The following PGM2 variants were observed in gnomAD, a reference collection of about 807,000 sequenced individuals.
PGM2 encodes phosphopentomutase.
PGM2 carries 57 observed loss-of-function variants against 74.6 expected under a neutral mutation model. That is an observed-to-expected ratio of 0.76 (90% CI 0.62 to 0.95). The LOEUF (loss-of-function observed/expected upper bound fraction) is 0.95. Ranked by LOEUF, PGM2 falls within the 40% of genes least tolerant of loss-of-function variation. The pLI is 0.00. For missense variants in PGM2, 706 were observed against 741.9 expected, an observed-to-expected ratio of 0.95 and a Z score of 0.56; for synonymous variants, 273 against 260.7, an observed-to-expected ratio of 1.05 and a Z score of -0.46.
chr4:37,858,569 C>T (rs998920760), intron 13 of PGM2, among the ~76,000 whole-genome samples: 2 of 150,008 alleles, frequency 1.3e-5, no homozygotes, highest in African/African-American at 2.5e-5. Flanking sequence ...AGGCTGGGCT[C>T]GAACTCCTGG....
At chr4:37,848,466 C>T (rs1463087538) in intron 10 of PGM2, 56 bp from the exon 11 acceptor site, 3 of 1,476,622 alleles carry the variant, frequency 2.0e-6, no homozygotes, top group South Asian at 1.2e-5. Context: ...GATTCATACT[C>T]ATATGTGGTT....
intron 10 of PGM2, among the ~76,000 whole-genome samples, chr4:37,848,161 A>G (rs1477466147): frequency 1.3e-5 from 2 of 152,250 alleles, no homozygotes; most frequent in Non-Finnish European, 2.9e-5. Context: ...ACACAAGAGT[A>G]GAGGCCAGAT....
At chr4:37,841,077 T>A (rs1418503295) in intron 6 of PGM2, among the ~76,000 whole-genome samples, 1 of 29,498 alleles carries the variant, frequency 3.4e-5, no homozygotes, top group Non-Finnish European at 1.1e-4. Flanking sequence ...CAAGCGTATA[T>A]ATATATATAT....
At chr4:37,854,086 G>C (rs2152181151) in intron 12 of PGM2, among the ~76,000 whole-genome samples, 1 of 152,252 alleles carries the variant, frequency 6.6e-6, no homozygotes, top group South Asian at 2.1e-4. Flanking sequence ...CAGGCACTCA[G>C]ATTTCATTCT....
rs1472752210 is a variant in PGM2 at position 37,830,279 on chromosome 4, C to T, written c.249+148C>T. ...CCACCATTTACTCCATAAAGTAAGG[C>T]TTGCACAATAGGTCGAAGTAGCACT... is the stretch of plus-strand genomic sequence containing the variant. On this transcript the variant is annotated intron_variant, in intron 2 of 13. Transcript: ENST00000381967. The T allele has an allele frequency of 7.4e-6, 4 of 538,088 alleles. No individual in the cohort carries two copies. The East Asian group carries it at 1.2e-4, about 17-fold the overall frequency. The allele number at this position is 538,088 out of a possible 1,614,324, so 33.3% of individuals were successfully genotyped here. A position where few individuals can be genotyped will look rare whatever the true frequency, so the allele number is the denominator to read the frequency against.
intron 2 of PGM2, 87 bp downstream of exon 2, chr4:37,830,218 A>G: frequency 5.0e-6 from 5 of 993,354 alleles, no homozygotes; most frequent in Non-Finnish European, 7.1e-6. Context: ...CTAATTATAG[A>G]CATGTCTTAC....
intron 11 of PGM2, among the ~76,000 whole-genome samples, chr4:37,849,608 C>T (rs1725979251): frequency 6.6e-6 from 1 of 151,612 alleles, no homozygotes; most frequent in Non-Finnish European, 1.5e-5. Context: ...GGGGTTTCAC[C>T]ATATTGGCCA....
intron 1 of PGM2, among the ~76,000 whole-genome samples, chr4:37,828,216 G>A (rs973912612): frequency 7.9e-5 from 12 of 152,230 alleles, no homozygotes; most frequent in Non-Finnish European, 1.6e-4. Flanking sequence ...AGCTTGCAGA[G>A]TACAGAATTC....
chr4:37,837,451 A>G, intron 3 of PGM2, 78 bp from the exon 4 acceptor site: 1 of 840,178 alleles, frequency 1.2e-6, no homozygotes, highest in Non-Finnish European at 2.1e-6. Flanking sequence ...AACATTCAGC[A>G]TTCATTTCCT....
At chr4:37,833,145 A>G (rs1000852382) in intron 2 of PGM2, among the ~76,000 whole-genome samples, 2 of 152,214 alleles carry the variant, frequency 1.3e-5, no homozygotes, top group Non-Finnish European at 2.9e-5. Context: ...ATTTCCTTGT[A>G]TCACTCAGCC....
At position 37,834,608 on chromosome 4, in the gene PGM2, G is replaced by C; in HGVS notation, c.250-10G>C. ...AAAACATACTTTTTAAATCTATGGT[G>C]TATTTGTAGGGATTTTGCAGATACC... is the stretch of plus-strand genomic sequence containing the variant. On this transcript the variant is annotated splice_polypyrimidine_tract_variant and intron_variant, in intron 2 of 13. Coordinates refer to ENST00000381967, the MANE Select transcript of PGM2 (RefSeq NM_018290.4). The C allele has an allele frequency of 7.8e-7, 1 of 1,282,878 alleles. No individual in the cohort carries two copies. The highest frequency in any genetic ancestry group is 1.1e-6 in the Non-Finnish European group (1 of 886,164). The allele number at this position is 1,282,878 out of a possible 1,614,324, so 79.5% of individuals were successfully genotyped here.
intron 6 of PGM2, among the ~76,000 whole-genome samples, chr4:37,841,158 T>TTGTGTG (rs34512739): frequency 0.037 from 3,739 of 101,378 alleles, 85 homozygotes; most frequent in African/African-American, 0.052. Context: ...ATAGGAATAT[T>TTGTGTG]TGTGTGTGTG....
intron 13 of PGM2, among the ~76,000 whole-genome samples, chr4:37,855,970 T>G (rs1726181989): frequency 6.6e-6 from 1 of 152,244 alleles, no homozygotes; most frequent in Non-Finnish European, 1.5e-5. Context: ...TGGGAAAATT[T>G]TATCCTTATT....
rs538241638 is a variant in PGM2, at chr4:37,854,500, G to A, written c.1603-1108G>A. ...TGAGTAGCTGAGATTACAGGCACCC[G>A]CCACCATGCCTGGCTAATTTTTGTA... On this transcript the variant is annotated intron_variant, in intron 12 of 13. Coordinates refer to ENST00000381967, the MANE Select transcript of PGM2 (RefSeq NM_018290.4). Among the ~76,000 whole-genome samples, 394 of 152,034 alleles carry A rather than the reference G, an allele frequency of 2.6e-3. 2 individuals carry two copies. The highest frequency in any genetic ancestry group is 3.5e-3 in the African/African-American group (147 of 41,484).
chr4:37,855,637 G>C lies in PGM2; in HGVS notation c.1632G>C (p.Met544Ile). ...AVLPTSKSSQ[M>I]ITFTFANGGV... ...TTCCCACTAGTAAAAGCAGCCAAAT[G>C]ATCACCTTCACCTTTGCTAATGGAG... Residue 544 changes from methionine (M) to isoleucine (I), a missense_variant, in exon 13 of 14, where the codon ATG becomes ATC. Transcript: ENST00000381967. 6.2e-7 allele frequency: 1 copy of C among 1,613,904 alleles called. No individual in the cohort carries two copies. The highest frequency in any genetic ancestry group is 2.2e-5 in the East Asian group (1 of 44,870).
chr4:37,859,346 C>T (rs6844466), intron 13 of PGM2, among the ~76,000 whole-genome samples: 25,980 of 152,024 alleles, frequency 0.17, 2,744 homozygotes, highest in African/African-American at 0.3. Context: ...GTAGAATGTA[C>T]CTATTAAGAG....
In PGM2 at chr4:37,855,669, C is replaced by A; in HGVS notation, c.1664C>A (p.Ala555Asp). ...TTCACCTTTGCTAATGGAGGCGTGGCCACCATGCGCACCAGTGGGACAGAG... is the reference window on the plus strand; with the variant it reads ...TTCACCTTTGCTAATGGAGGCGTGGACACCATGCGCACCAGTGGGACAGAG... ...ITFTFANGGV[A>D]TMRTSGTEPK... Residue 555 changes from alanine to aspartate, a missense_variant, in exon 13 of 14, where the codon GCC becomes GAC. Ala to Asp is a moderately radical substitution (Grantham distance 126). Coordinates refer to ENST00000381967, the MANE Select transcript of PGM2 (RefSeq NM_018290.4). The A allele has an allele frequency of 6.2e-7, 1 of 1,613,994 alleles. No individual in the cohort carries two copies. Among genetic ancestry groups the A allele is most frequent in the Non-Finnish European group, 8.5e-7 (1 of 1,179,894 alleles).
chr4:37,829,261 GA>G (rs1186627067), intron 1 of PGM2, among the ~76,000 whole-genome samples: 1 of 152,072 alleles, frequency 6.6e-6, no homozygotes, highest in African/African-American at 2.4e-5. Context: ...TAATGTTATA[GA>G]AAAGGCACTA....
chr4:37,831,035 A>G (rs1437037461), intron 2 of PGM2, among the ~76,000 whole-genome samples: 1 of 151,916 alleles, frequency 6.6e-6, no homozygotes, highest in Non-Finnish European at 1.5e-5. Context: ...CTCTACCAAA[A>G]ATACAAAAAT....
Sources: allele counts gnomAD v4.1 joint callset (sites outside exome capture counted in the v4.1 genomes callset), GRCh38; gene constraint gnomAD v4.1.1; transcripts MANE v1.5; gene names NCBI Gene and HGNC (gene_info 2026-07-23, HGNC 2026-07-21).